HECTD3: variants seen among roughly 807,000 people sequenced by gnomAD.
HECTD3 encodes HECT domain E3 ubiquitin protein ligase 3, also known as E3 ubiquitin-protein ligase HECTD3.
A neutral mutation model predicts 109.3 loss-of-function variants in HECTD3; 72 were observed. The observed-to-expected ratio is 0.66, with a 90% CI of 0.54 to 0.80. HECTD3 has a LOEUF of 0.80. Ranked by LOEUF, HECTD3 falls within the 30% of genes least tolerant of loss-of-function variation. HECTD3 has a pLI of 0.00. For missense variants in HECTD3, 1,041 were observed against 1,165.2 expected, an observed-to-expected ratio of 0.89 and a Z score of 1.55; for synonymous variants, 481 against 471.8, an observed-to-expected ratio of 1.02 and a Z score of -0.25.
At chr1:45,008,195 C>T (rs754317823) in intron 9 of HECTD3, 45 bp downstream of exon 9, 2 of 1,446,292 alleles carry the variant, frequency 1.4e-6, no homozygotes, top group Non-Finnish European at 1.9e-6. Flanking sequence ...ACTACGTGAG[C>T]AGGAAGGGGA....
chr1:45,009,837 C>T, intron 4 of HECTD3, 149 bp downstream of exon 4: 1 of 1,121,552 alleles, frequency 8.9e-7, no homozygotes, highest in Non-Finnish European at 1.3e-6. Context: ...GTAAGGGGTC[C>T]TATAGACGTC....
At position 45,009,633 on chromosome 1, in the gene HECTD3, C is replaced by G; in HGVS notation, c.810G>C (p.Trp270Cys). 1 of 1,614,134 alleles carries G rather than the reference C, an allele frequency of 6.2e-7. No homozygotes were observed. Reference protein sequence around the residue: ...CLTDSNADTYWESDGSQCQHW... With the variant: ...CLTDSNADTYCESDGSQCQHW... ...GTTGGCACTGGGACCCATCGCTCTC[C>G]CAGTAGGTATCGGCATTGCTGTCTG... is the stretch of plus-strand genomic sequence containing the variant. The change falls in exon 5 of 21, where the codon TGG becomes TGC. Residue 270 changes from tryptophan to cysteine, a missense_variant. Around this residue, in one of 2 missense-constraint regions of HECTD3, gnomAD observed 472 missense variants for 449.9 expected, o/e 1.05. Coordinates refer to ENST00000372172, the MANE Select transcript of HECTD3 (RefSeq NM_024602.6).
intron 7 of HECTD3, 34 bp from the exon 8 acceptor site, chr1:45,008,735 G>A (rs1644758129): frequency 6.3e-7 from 1 of 1,594,774 alleles, no homozygotes; most frequent in African/African-American, 1.3e-5. Context: ...GTCATTTACA[G>A]CACCTGCTGC....
At position 45,010,336 on chromosome 1, in the gene HECTD3, G is replaced by A. The variant is rs763531505; in HGVS notation, c.531-43C>T. 6 of 1,576,372 alleles carry A rather than the reference G, an allele frequency of 3.8e-6. No homozygotes were observed. The African/African-American group carries it at 8.1e-5, about 21-fold the overall frequency. Reference sequence around the variant, plus strand: ...GGAGTGGGATGGGGAGACATCAGCGGTCAGCAAGACACTACCTCCATGCCG... The same window carrying A: ...GGAGTGGGATGGGGAGACATCAGCGATCAGCAAGACACTACCTCCATGCCG... On this transcript the variant is annotated intron_variant, in intron 2 of 20. Coordinates refer to ENST00000372172, the MANE Select transcript of HECTD3 (RefSeq NM_024602.6).
intron 2 of HECTD3, 107 bp from the exon 3 acceptor site, chr1:45,010,400 C>T (rs1644777832): frequency 2.1e-6 from 3 of 1,444,034 alleles, no homozygotes; most frequent in South Asian, 2.3e-5. Flanking sequence ...AGTCTCCCTC[C>T]GAGCCCCCTT....
chr1:45,009,600 T>C lies in HECTD3; in HGVS notation c.843A>G (p.Val281=). 6.2e-7 allele frequency: 1 copy of C among 1,613,912 alleles called. No individual in the cohort carries two copies. Among genetic ancestry groups the C allele is most frequent in the Middle Eastern group, 1.6e-4 (1 of 6,062 alleles). The change falls in exon 5 of 21, where the codon GTA becomes GTG. Residue 281 remains valine (V), a synonymous_variant. Coordinates refer to ENST00000372172, the MANE Select transcript of HECTD3 (RefSeq NM_024602.6). ...ESDGSQCQHW[V]RLTMKKGTIV... is the part of the protein sequence containing the mutation. ...TGGTGCCCTTCTTCATAGTAAGCCG[T>C]ACCCAGTGTTGGCACTGGGACCCAT...
chr1:45,003,267 C>A lies in HECTD3; in HGVS notation c.*225G>T. 1.8e-6 allele frequency: 1 copy of A among 563,090 alleles called. No individual in the cohort carries two copies. Among genetic ancestry groups the A allele is most frequent in the Non-Finnish European group, 3.2e-6 (1 of 312,560 alleles). 34.9% of individuals were successfully genotyped at this position (563,090 alleles called of 1,614,324 possible). On this transcript the variant is annotated 3_prime_UTR_variant, in exon 21 of 21. Coordinates refer to ENST00000372172, the MANE Select transcript of HECTD3 (RefSeq NM_024602.6). This position sits in a 1 kb window ranked among gnomAD's most constrained non-coding sequence, Gnocchi z 4.7. ...TTCCCTCTTAAGAGGTGAAATACCT[C>A]GGGAAGCAAGCCCCAGCACGGGTAG...
Position 45,005,830 on chromosome 1 carries a change from G to T in HECTD3, c.1899C>A (p.Ser633Arg). Residue 633 changes from serine (S) to arginine (R), a missense_variant, in exon 15 of 21, where the codon AGC (serine) becomes AGA (arginine). Around this residue, in one of 2 missense-constraint regions of HECTD3, gnomAD observed 569 missense variants for 715.3 expected, o/e 0.80. Transcript: ENST00000372172. ...CCACAGCTGGGAAGTCCTTGCTCCA[G>T]CTCACCTCCTCACCAGAAAGCTGCT... is the stretch of plus-strand genomic sequence containing the variant. ...VWKQLSGEEV[S>R]WSKDFPAVDS... is the part of the protein sequence containing the mutation. 6.2e-7 allele frequency: 1 copy of T among 1,608,174 alleles called. No individual in the cohort carries two copies. The highest frequency in any genetic ancestry group is 8.5e-7 in the Non-Finnish European group (1 of 1,176,844).
intron 15 of HECTD3, chr1:45,005,423 A>G: frequency 4.6e-6 from 1 of 218,050 alleles, no homozygotes; most frequent in East Asian, 1.0e-4. Flanking sequence ...GTGGCGAGGG[A>G]GAAGAAGGGG....
Position 45,003,131 on chromosome 1 carries a change from T to G in HECTD3, c.*361A>C. On this transcript the variant is annotated 3_prime_UTR_variant, in exon 21 of 21. Transcript: ENST00000372172. The surrounding 1 kb of genome is among the most constrained non-coding windows in gnomAD (Gnocchi z 4.7). ...TGGCTGAAGAAAGCCAGAGAGAAAA[T>G]AGGAGAAAAAAGGCGGAGCTGAAAA... The G allele has an allele frequency of 4.3e-6, 1 of 230,354 alleles. No individual in the cohort carries two copies. Among genetic ancestry groups the G allele is most frequent in the Non-Finnish European group, 8.8e-6 (1 of 114,280 alleles). The allele number at this position is 230,354 out of a possible 1,614,324, so 14.3% of individuals were successfully genotyped here. A position where few individuals can be genotyped will look rare whatever the true frequency, so the allele number is the denominator to read the frequency against.
In HECTD3 at chr1:45,009,427, C is replaced by G; in HGVS notation, c.931G>C (p.Val311Leu). The G allele has an allele frequency of 6.2e-7, 1 of 1,614,198 alleles. No individual in the cohort carries two copies. The highest frequency in any genetic ancestry group is 8.5e-7 in the Non-Finnish European group (1 of 1,180,016). Residue 311 changes from valine (V) to leucine (L), a missense_variant, in exon 6 of 21, where the codon GTG becomes CTG. Val to Leu is a conservative substitution (Grantham distance 32). Transcript: ENST00000372172. ...TDDNFMPKRVVVYGGEGDNLK... is the reference protein window; with the variant it reads ...TDDNFMPKRVLVYGGEGDNLK... The stretch of plus-strand genomic sequence containing the variant: ...TTGTCCCCTTCACCCCCATAGACCA[C>G]CACCCGCTTTGGCATAAAGTTGTCA...
At chr1:45,005,295 G>A (rs1644725791) in intron 15 of HECTD3, 2 of 211,342 alleles carry the variant, frequency 9.5e-6, no homozygotes, top group Admixed American at 5.2e-5. Flanking sequence ...AACGGAGACA[G>A]GGACACCAGC....
chr1:45,007,465 T>C lies in HECTD3; in HGVS notation c.1451A>G (p.His484Arg). 6.2e-7 allele frequency: 1 copy of C among 1,614,052 alleles called. No homozygotes were observed. The highest frequency in any genetic ancestry group is 1.3e-5 in the African/African-American group (1 of 74,986). Residue 484 changes from histidine to arginine, a missense_variant, in exon 10 of 21, where the codon CAC becomes CGC. Physicochemically the swap from His to Arg is conservative, Grantham distance 29. Transcript: ENST00000372172. ...AGGGTCTCGAGAGGGGCAGGCACGG[T>C]GTTCCATGGCAAGACGGCGGTTGAT... ...LYINRRLAMEHRACPSRDPAC... is the reference protein window; with the variant it reads ...LYINRRLAMERRACPSRDPAC...
chr1:45,006,875 A>G lies in HECTD3; in HGVS notation c.1621+76T>C. ...GGTAATGAATAGGTCCCCCATCATC[A>G]TTAGCTGGTGAAAAGCCTCTACCAC... On this transcript the variant is annotated intron_variant, in intron 12 of 20. Coordinates refer to ENST00000372172, the MANE Select transcript of HECTD3 (RefSeq NM_024602.6). This position sits in a 1 kb window ranked among gnomAD's most constrained non-coding sequence, Gnocchi z 4.7. The G allele has an allele frequency of 6.3e-7, 1 of 1,585,372 alleles. No individual in the cohort carries two copies. The highest frequency in any genetic ancestry group is 2.2e-5 in the East Asian group (1 of 44,738).
At position 45,003,677 on chromosome 1, in the gene HECTD3, G is replaced by C; in HGVS notation, c.2493C>G (p.His831Gln). The C allele has an allele frequency of 6.2e-7, 1 of 1,614,142 alleles. No homozygotes were observed. The highest frequency in any genetic ancestry group is 8.5e-7 in the Non-Finnish European group (1 of 1,179,992). The change falls in exon 20 of 21, where the codon CAC (histidine) becomes CAG (glutamine). Residue 831 changes from histidine to glutamine, a missense_variant. His to Gln is a conservative substitution (Grantham distance 24). Around this residue, in one of 2 missense-constraint regions of HECTD3, gnomAD observed 569 missense variants for 715.3 expected, o/e 0.80. Transcript: ENST00000372172. The surrounding 1 kb of genome is among the most constrained non-coding windows in gnomAD (Gnocchi z 4.7). ...STCSSTLFLP[H>Q]YASAKVCEEK... The stretch of plus-strand genomic sequence containing the variant: ...CCTAGGAAAAAACCCACCTGGCATA[G>C]TGTGGCAGGAAGAGGGTGCTGGAGC...
intron 9 of HECTD3, 93 bp from the exon 10 acceptor site, chr1:45,007,688 C>T (rs752110989): frequency 1.9e-6 from 2 of 1,064,720 alleles, no homozygotes; most frequent in Non-Finnish European, 2.7e-6. Flanking sequence ...TCCAATTCCA[C>T]CGTTTCAGTT....
rs771010265 is a variant in HECTD3, at chr1:45,007,393, G to A, written c.1503+20C>T. On this transcript the variant is annotated intron_variant, in intron 10 of 20. Transcript: ENST00000372172. ...GCCCTTGACTGATCCTATCTCAGTC[G>A]GACCCTAGGTGGTGCAGACCTGGGT... 1.5e-5 allele frequency: 24 copies of A among 1,613,218 alleles called. No individual in the cohort carries two copies. The highest frequency in any genetic ancestry group is 3.3e-5 in the Admixed American group (2 of 59,970).
chr1:45,007,180 A>G, intron 11 of HECTD3, 39 bp downstream of exon 11: 1 of 1,573,068 alleles, frequency 6.4e-7, no homozygotes, highest in Non-Finnish European at 8.7e-7. Flanking sequence ...GTGTGCACAA[A>G]CAGGTGTCCC....
rs1029586118 is a variant in HECTD3, at chr1:45,007,218, C to T, written c.1556+1G>A. ...GTAAGTCCCTCACTCTCATGCCATA[C>T]CTGTAGTCCAGGGGCTTTTCATATT... On this transcript the variant is annotated splice_donor_variant, in intron 11 of 20. Coordinates refer to ENST00000372172, the MANE Select transcript of HECTD3 (RefSeq NM_024602.6). LOFTEE classifies it high-confidence loss of function. 1 of 1,612,354 alleles carries T rather than the reference C, an allele frequency of 6.2e-7. No homozygotes were observed. Among genetic ancestry groups the T allele is most frequent in the African/African-American group, 1.3e-5 (1 of 74,794 alleles).
Sources: allele counts gnomAD v4.1 joint callset, GRCh38; gene constraint gnomAD v4.1.1; regional missense constraint gnomAD v4.1.1; non-coding constraint Gnocchi (gnomAD v3.1); transcripts MANE v1.5; gene names NCBI Gene and HGNC (gene_info 2026-07-23, HGNC 2026-07-21).